PITPNC1: variants seen among roughly 807,000 people sequenced by gnomAD.
The protein encoded by PITPNC1 is phosphatidylinositol transfer protein cytoplasmic 1, also known as cytoplasmic phosphatidylinositol transfer protein 1.
Under a neutral mutation model 44.7 loss-of-function variants are expected in PITPNC1, and 18 were observed. That is an observed-to-expected ratio of 0.40 (90% CI 0.28 to 0.60). The LOEUF is 0.60. Among genes scored for constraint, PITPNC1 ranks in the 20% least tolerant of loss-of-function variants. The probability of loss-of-function intolerance (pLI) is 0.39; values close to 1 mark genes in which losing one functional copy is unlikely to be tolerated. For missense variants in PITPNC1, 290 were observed against 418.4 expected, an observed-to-expected ratio of 0.69 and a Z score of 2.68; for synonymous variants, 141 against 149.6, an observed-to-expected ratio of 0.94 and a Z score of 0.42.
chr17:67,512,947 T>C (rs2040207051), intron 1 of PITPNC1, among the ~76,000 whole-genome samples: 1 of 152,130 alleles, frequency 6.6e-6, no homozygotes, highest in African/African-American at 2.4e-5. Flanking sequence ...TCTGAAAAGA[T>C]AAAGTCAAGT....
At chr17:67,434,538 C>T (rs772357129) in intron 1 of PITPNC1, among the ~76,000 whole-genome samples, 12 of 152,128 alleles carry the variant, frequency 7.9e-5, no homozygotes, top group African/African-American at 1.9e-4. Context: ...AGGCTGGGCG[C>T]GGTGGCTCAC....
chr17:67,478,806 A>G (rs565874978), intron 1 of PITPNC1, among the ~76,000 whole-genome samples: 1 of 152,262 alleles, frequency 6.6e-6, no homozygotes, highest in African/African-American at 2.4e-5. Flanking sequence ...GCCACTAGCA[A>G]GAAGACTTGG....
intron 1 of PITPNC1, among the ~76,000 whole-genome samples, chr17:67,397,954 G>A (rs911120820): frequency 2.0e-5 from 3 of 152,108 alleles, no homozygotes; most frequent in African/African-American, 7.2e-5. Context: ...TTAGCCGGGC[G>A]TGGTGGCGGG....
intron 5 of PITPNC1, among the ~76,000 whole-genome samples, chr17:67,623,109 CAAAAAAA>C (rs1198070826): frequency 2.3e-5 from 2 of 85,292 alleles, no homozygotes; most frequent in Admixed American, 1.5e-4. Flanking sequence ...TCCCAAAAGC[CAAAAAAA>C]AAAAAAAAAA....
chr17:67,564,268 C>T (rs922801089), intron 4 of PITPNC1, among the ~76,000 whole-genome samples: 11 of 152,024 alleles, frequency 7.2e-5, no homozygotes, highest in African/African-American at 2.7e-4. Flanking sequence ...CACAACAGCC[C>T]ACCTGCAAGT....
chr17:67,399,975 T>G (rs1358079464), intron 1 of PITPNC1, among the ~76,000 whole-genome samples: 2 of 152,222 alleles, frequency 1.3e-5, no homozygotes, highest in Non-Finnish European at 2.9e-5. Flanking sequence ...AAATGCCCTC[T>G]TTTGGCCTGT....
rs779871516 is a variant in PITPNC1 at position 67,394,433 on chromosome 17, ACT to A, written c.48+16234_48+16235del. Among the ~76,000 whole-genome samples, 50 of 152,078 alleles carry A rather than the reference ACT, an allele frequency of 3.3e-4. 1 individual carries two copies. The East Asian group carries it at 6.6e-3, about 20-fold the overall frequency. ...AAAATGCTTCTCAGATTGGATTGAA[ACT>A]CTGAAGACCAACATTTTTCTAGATA... On this transcript the variant is annotated intron_variant, in intron 1 of 8. Coordinates refer to ENST00000581322, the MANE Select transcript of PITPNC1 (RefSeq NM_012417.4).
At chr17:67,663,829 G>A (rs564033623) in intron 6 of PITPNC1, among the ~76,000 whole-genome samples, 1 of 152,290 alleles carries the variant, frequency 6.6e-6, no homozygotes, top group South Asian at 2.1e-4. Context: ...CACAGTGATG[G>A]TAAATGACAT....
intron 1 of PITPNC1, among the ~76,000 whole-genome samples, chr17:67,494,694 G>T (rs12103771): frequency 0.075 from 11,477 of 152,080 alleles, 526 homozygotes; most frequent in Middle Eastern, 0.11. Flanking sequence ...AAGTAGGCTG[G>T]GTGCAGTGGC....
intron 1 of PITPNC1, chr17:67,525,125 G>A (rs1465035952): frequency 6.6e-6 from 1 of 152,082 alleles, no homozygotes; most frequent in African/African-American, 2.4e-5. Context: ...GAATTAAAAT[G>A]AAAGAAAATT....
intron 1 of PITPNC1, chr17:67,408,966 A>G (rs1481167731): frequency 6.7e-6 from 1 of 148,900 alleles, no homozygotes; most frequent in African/African-American, 2.5e-5. Context: ...ATTTATGCCT[A>G]TGTTTTCTTC....
intron 4 of PITPNC1, among the ~76,000 whole-genome samples, chr17:67,558,112 C>T (rs1417317748): frequency 1.3e-5 from 2 of 152,156 alleles, no homozygotes; most frequent in Admixed American, 6.5e-5. Context: ...TGCCCTCATT[C>T]GTGACAAAGC....
chr17:67,577,692 A>T (rs1031175065), intron 4 of PITPNC1, among the ~76,000 whole-genome samples: 3 of 151,956 alleles, frequency 2.0e-5, no homozygotes, highest in African/African-American at 7.2e-5. Context: ...TTTATGTTTT[A>T]AAAATTAAAA....
intron 1 of PITPNC1, among the ~76,000 whole-genome samples, chr17:67,512,697 C>G (rs17654915): frequency 0.46 from 70,589 of 151,810 alleles, 17,146 homozygotes; most frequent in East Asian, 0.73. Context: ...TCCATCCTCA[C>G]ATCTTTGGTG....
intron 6 of PITPNC1, among the ~76,000 whole-genome samples, chr17:67,654,893 A>G (rs1179783401): frequency 6.6e-6 from 1 of 151,966 alleles, no homozygotes; most frequent in African/African-American, 2.4e-5. Flanking sequence ...TCATCCTCCC[A>G]AAGTGCTGGG....
intron 1 of PITPNC1, among the ~76,000 whole-genome samples, chr17:67,462,225 C>CTTTCTTTT (rs2039349475): frequency 1.4e-5 from 1 of 71,256 alleles, no homozygotes; most frequent in African/African-American, 6.2e-5. Flanking sequence ...TTCTTTCTTT[C>CTTTCTTTT]TTTTTTTTTT....
intron 4 of PITPNC1, among the ~76,000 whole-genome samples, chr17:67,577,052 C>T (rs1363960395): frequency 2.6e-5 from 4 of 151,174 alleles, no homozygotes; most frequent in Admixed American, 6.6e-5. Flanking sequence ...GAGGCCGAGG[C>T]GGGAGAATCG....
At chr17:67,513,545 A>C (rs1370897648) in intron 1 of PITPNC1, among the ~76,000 whole-genome samples, 1 of 150,774 alleles carries the variant, frequency 6.6e-6, no homozygotes, top group Admixed American at 6.6e-5. Context: ...ACAGTCACAG[A>C]AGAATTATCA....
At chr17:67,655,971 G>A (rs541984202) in intron 6 of PITPNC1, among the ~76,000 whole-genome samples, 1 of 152,268 alleles carries the variant, frequency 6.6e-6, no homozygotes, top group South Asian at 2.1e-4. Context: ...TTGGGGGAGG[G>A]GCAACAAACG....
Sources: gnomAD v4.1 joint callset for allele counts (sites outside exome capture counted in the v4.1 genomes callset) on GRCh38, gnomAD v4.1.1 for gene constraint, MANE v1.5 for transcripts, NCBI Gene and HGNC (gene_info 2026-07-23, HGNC 2026-07-21) for gene names.